The following TENM2 variants were observed in gnomAD, a reference collection of about 807,000 sequenced individuals.
The protein encoded by TENM2 is teneurin-2.
TENM2 carries 52 observed loss-of-function variants against 245.2 expected under a neutral mutation model. The ratio of observed to expected loss-of-function variants is 0.21; its 90% confidence interval spans 0.17 to 0.27. TENM2 has a LOEUF of 0.27. TENM2 is among the 10% of genes least tolerant of loss of function. The pLI is 1.00. For synonymous variants in TENM2, 1,363 were observed against 1,438.9 expected, an observed-to-expected ratio of 0.95 and a Z score of 1.19; for missense variants, 3,046 against 3,666.8, an observed-to-expected ratio of 0.83 and a Z score of 4.37.
intron 5 of TENM2, among the ~76,000 whole-genome samples, chr5:168,000,688 T>A (rs533154028): frequency 6.6e-6 from 1 of 152,236 alleles, no homozygotes; most frequent in South Asian, 2.1e-4. Context: ...CATTTGTAAT[T>A]TTTATTTTAT....
Position 168,227,936 on chromosome 5 carries a change from C to G in TENM2, c.5326C>G (p.Leu1776Val), listed in dbSNP as rs765431710. 3.7e-6 allele frequency: 6 copies of G among 1,613,280 alleles called. No homozygotes were observed. In the East Asian group the frequency reaches 1.3e-4, roughly 36 times the overall value. ...CTACCAGCTCTGTAATAATGGTACCCTGAGGGTGATGTATGCTAATGGGAT... is the reference window on the plus strand; with the variant it reads ...CTACCAGCTCTGTAATAATGGTACCGTGAGGGTGATGTATGCTAATGGGAT... Residue 1776 changes from leucine to valine, a missense_variant, in exon 25 of 29, where the codon CTG (leucine) becomes GTG (valine). By Grantham distance (32) the Leu-to-Val change is conservative (BLOSUM62 1). Coordinates refer to ENST00000518659, the Ensembl canonical transcript of TENM2.
chr5:167,993,058 G>A (rs1349088037), exon 5 of TENM2: 1 of 1,614,010 alleles, frequency 6.2e-7, no homozygotes, highest in South Asian at 1.1e-5. Context: ...TGCTGCCCAG[G>A]AATACTTTCT....
At chr5:167,061,601 G>A in the TENM2 span, among the ~76,000 whole-genome samples, 1 of 152,120 alleles carries the variant, frequency 6.6e-6, no homozygotes, top group Non-Finnish European at 1.5e-5. Flanking sequence ...AGAGATAATT[G>A]ATAATCACAT....
chr5:168,118,804 C>T (rs866069375), intron 10 of TENM2, among the ~76,000 whole-genome samples: 3 of 151,988 alleles, frequency 2.0e-5, no homozygotes, highest in African/African-American at 7.3e-5. Flanking sequence ...TCCTTCTACT[C>T]CTCCTCCCCT....
chr5:167,182,335 G>T, the TENM2 span, among the ~76,000 whole-genome samples: 5 of 151,964 alleles, frequency 3.3e-5, no homozygotes, highest in African/African-American at 1.2e-4. Context: ...TATCCATTAA[G>T]CATTAAATAA....
At chr5:167,391,210 G>T (rs146343103) in intron 2 of TENM2, among the ~76,000 whole-genome samples, 258 of 152,114 alleles carry the variant, frequency 1.7e-3, no homozygotes, top group African/African-American at 5.8e-3. Flanking sequence ...ATTTCATCAA[G>T]AATTTAGGGG....
At chr5:168,101,323 A>G (rs1201433914) in intron 9 of TENM2, among the ~76,000 whole-genome samples, 1 of 152,156 alleles carries the variant, frequency 6.6e-6, no homozygotes. Flanking sequence ...CTGTAAATGT[A>G]TATTAACACT....
chr5:167,055,176 C>T, the TENM2 span, among the ~76,000 whole-genome samples: 1 of 152,044 alleles, frequency 6.6e-6, no homozygotes, highest in Non-Finnish European at 1.5e-5. Flanking sequence ...GCATTTAGAT[C>T]TCTGATCCAT....
intron 2 of TENM2, among the ~76,000 whole-genome samples, chr5:167,419,981 G>T (rs1261021015): frequency 6.6e-6 from 1 of 152,168 alleles, no homozygotes; most frequent in Non-Finnish European, 1.5e-5. Context: ...GGCATAAAGG[G>T]AGTTAGAATT....
chr5:167,929,053 GAAAGAGAGAAAGAA>G, intron 3 of TENM2, among the ~76,000 whole-genome samples: 1 of 77,736 alleles, frequency 1.3e-5, no homozygotes, highest in East Asian at 3.8e-4. Flanking sequence ...AAAAAAGAAA[GAAAGAGAGAAAGAA>G]AGAAAGAAAG....
At chr5:167,070,130 T>TTTAC in the TENM2 span, among the ~76,000 whole-genome samples, 3 of 150,968 alleles carry the variant, frequency 2.0e-5, no homozygotes, top group African/African-American at 4.9e-5. Context: ...TATTTATTTA[T>TTTAC]TTTTTGAGAC....
chr5:167,240,108 A>T, the TENM2 span, among the ~76,000 whole-genome samples: 1 of 152,154 alleles, frequency 6.6e-6, no homozygotes, highest in Non-Finnish European at 1.5e-5. Context: ...ATTTTATTGA[A>T]GTTTTCCTAA....
chr5:167,459,983 A>G (rs1044213352), intron 2 of TENM2, among the ~76,000 whole-genome samples: 1 of 152,034 alleles, frequency 6.6e-6, no homozygotes, highest in Non-Finnish European at 1.5e-5. Flanking sequence ...ATATACAAAC[A>G]TCAAATAAAC....
intron 1 of TENM2, among the ~76,000 whole-genome samples, chr5:167,344,303 CACACACAT>C (rs1269265807): frequency 8.8e-6 from 1 of 113,286 alleles, no homozygotes; most frequent in East Asian, 2.7e-4. Context: ...CACACACACA[CACACACAT>C]ATATATATAT....
chr5:167,728,273 C>G (rs1760165805), intron 2 of TENM2, among the ~76,000 whole-genome samples: 1 of 152,004 alleles, frequency 6.6e-6, no homozygotes, highest in Non-Finnish European at 1.5e-5. Flanking sequence ...TCAGTCCTGC[C>G]TACACACAAG....
At chr5:167,642,155 AAT>A (rs1554094502) in intron 2 of TENM2, among the ~76,000 whole-genome samples, 9 of 150,028 alleles carry the variant, frequency 6.0e-5, no homozygotes, top group African/African-American at 2.2e-4. Flanking sequence ...AAAAAAAAAA[AAT>A]ATGTATATAT....
At chr5:167,029,409 A>G in the TENM2 span, among the ~76,000 whole-genome samples, 2 of 152,014 alleles carry the variant, frequency 1.3e-5, no homozygotes, top group Non-Finnish European at 2.9e-5. Flanking sequence ...CCAATAGTTA[A>G]GGTGAAATTG....
chr5:167,431,615 C>G lies in TENM2; in HGVS notation c.502+56142C>G, dbSNP rs921043340. Among the ~76,000 whole-genome samples the G allele has an allele frequency of 2.6e-5, 4 of 151,916 alleles. 1 individual carries two copies. The highest frequency in any genetic ancestry group is 2.6e-4 in the Admixed American group (4 of 15,246). On this transcript the variant is annotated intron_variant, in intron 2 of 28. Transcript: ENST00000518659. Reference sequence around the variant, plus strand: ...GTCTAAAAAATAGATTGCATTCAATCTTGAAATATATATGTATACTTCCCT... The same window carrying G: ...GTCTAAAAAATAGATTGCATTCAATGTTGAAATATATATGTATACTTCCCT...
At chr5:167,179,985 C>T in the TENM2 span, among the ~76,000 whole-genome samples, 2 of 152,116 alleles carry the variant, frequency 1.3e-5, no homozygotes, top group African/African-American at 4.8e-5. Context: ...CTTGGCGAAG[C>T]TGGAGAAGGA....
Sources: allele counts gnomAD v4.1 joint callset (sites outside exome capture counted in the v4.1 genomes callset), GRCh38; gene constraint gnomAD v4.1.1; transcripts MANE v1.5; gene names NCBI Gene and HGNC (gene_info 2026-07-23, HGNC 2026-07-21).